LTN1: variants seen among roughly 807,000 people sequenced by gnomAD.
LTN1 encodes listerin E3 ubiquitin protein ligase 1.
LTN1 carries 88 observed loss-of-function variants against 201.2 expected under a neutral mutation model. That is an observed-to-expected ratio of 0.44 (90% CI 0.37 to 0.52). The LOEUF (loss-of-function observed/expected upper bound fraction) is 0.52, where lower values mean the gene tolerates loss of function less well. Ranked by LOEUF, LTN1 falls within the 20% of genes least tolerant of loss-of-function variation. LTN1 has a pLI of 0.00. For missense variants in LTN1, 1,752 were observed against 2,038.7 expected, an observed-to-expected ratio of 0.86 and a Z score of 2.71; for synonymous variants, 645 against 713.5, an observed-to-expected ratio of 0.90 and a Z score of 1.53.
At chr21:28,991,883 T>TA (rs1242251544) in intron 1 of LTN1, among the ~76,000 whole-genome samples, 6 of 152,158 alleles carry the variant, frequency 3.9e-5, no homozygotes, top group Non-Finnish European at 5.9e-5. Flanking sequence ...TCTAACACCA[T>TA]AAAAAAATAC....
chr21:28,987,537 T>A (rs898903999), intron 1 of LTN1, among the ~76,000 whole-genome samples: 1 of 152,214 alleles, frequency 6.6e-6, no homozygotes. Flanking sequence ...CTAACCTCTT[T>A]GGGCTAAAAT....
chr21:28,981,184 C>T lies in LTN1; in HGVS notation c.745G>A (p.Glu249Lys), dbSNP rs748035172. 5.0e-6 allele frequency: 8 copies of T among 1,598,284 alleles called. No individual in the cohort carries two copies. Among genetic ancestry groups the T allele is most frequent in the African/African-American group, 1.3e-5 (1 of 74,206 alleles). ...TGTGATAAAAGAGACTTAAATTTCT[C>T]CTCCAGAGAATCAAGCTCATTATCA... ...LPDNELDSLE[E>K]KFKSLLSQNK... The change falls in exon 6 of 30, where the codon GAG (glutamate) becomes AAG (lysine). Residue 249 changes from glutamate to lysine, a missense_variant. Transcript: ENST00000361371.
chr21:28,962,617 C>T (rs776400079), intron 11 of LTN1, among the ~76,000 whole-genome samples: 2 of 152,160 alleles, frequency 1.3e-5, no homozygotes, highest in Non-Finnish European at 2.9e-5. Context: ...TTAGACACAA[C>T]AATGCTGAAA....
At position 28,947,546 on chromosome 21, in the gene LTN1, T is replaced by G; in HGVS notation, c.3405A>C (p.Ser1135=). ...HTIQSLCPFL[S]KEEKKEFSAQ... is the part of the protein sequence containing the mutation. ...CACTAAATTCTTTCTTTTCTTCTTT[T>G]GACAAAAATGGACATAGACTTTGAA... The change falls in exon 19 of 30, where the codon TCA becomes TCC. Residue 1135 remains serine, a synonymous_variant. Coordinates refer to ENST00000361371, the MANE Select transcript of LTN1 (RefSeq NM_015565.3). The G allele has an allele frequency of 6.3e-7, 1 of 1,596,682 alleles. No individual in the cohort carries two copies. The highest frequency in any genetic ancestry group is 8.5e-7 in the Non-Finnish European group (1 of 1,174,266).
chr21:28,947,374 C>G, intron 19 of LTN1, 90 bp downstream of exon 19: 1 of 1,035,662 alleles, frequency 9.7e-7, no homozygotes, highest in Non-Finnish European at 1.3e-6. Flanking sequence ...TTCAATTTAC[C>G]TCTGCTAGAT....
In LTN1 at chr21:28,981,385, A is replaced by G. The variant is rs546474841; in HGVS notation, c.630-86T>C. 12 of 711,040 alleles carry G rather than the reference A, an allele frequency of 1.7e-5. No individual in the cohort carries two copies. In the South Asian group the frequency reaches 2.5e-4, roughly 15 times the overall value. The allele number at this position is 711,040 out of a possible 1,614,324, so 44.0% of individuals were successfully genotyped here. Reference sequence around the variant, plus strand: ...GTGGTTCTATTTAAAATGTTTTATCATTAAATATCTACCAAAGTTGCTTTA... The same window carrying G: ...GTGGTTCTATTTAAAATGTTTTATCGTTAAATATCTACCAAAGTTGCTTTA... On this transcript the variant is annotated intron_variant, in intron 5 of 29. Coordinates refer to ENST00000361371, the MANE Select transcript of LTN1 (RefSeq NM_015565.3).
At chr21:28,963,828 T>C (rs750473223) in intron 11 of LTN1, among the ~76,000 whole-genome samples, 1 of 152,122 alleles carries the variant, frequency 6.6e-6, no homozygotes, top group Non-Finnish European at 1.5e-5. Context: ...AATAGCAACA[T>C]TAATAGGAGT....
intron 12 of LTN1, 54 bp downstream of exon 12, chr21:28,960,463 C>A: frequency 7.1e-7 from 1 of 1,411,506 alleles, no homozygotes; most frequent in Non-Finnish European, 9.8e-7. Flanking sequence ...CAATCCCCCA[C>A]AAAGGAGAAA....
chr21:28,965,789 G>A (rs989351455), intron 11 of LTN1, 76 bp downstream of exon 11: 114 of 809,446 alleles, frequency 1.4e-4, no homozygotes, highest in Non-Finnish European at 2.1e-4. Flanking sequence ...TATTTATTGT[G>A]TAAATAGGAC....
Position 28,946,270 on chromosome 21 carries a change from CA to C in LTN1, c.3504del (p.Ala1169ProfsTer12). ...GTTTGCAGACAAGAATTGAAAATGGCAAGATGTCCAAAACCTCCTAAAGTAA... is the reference window on the plus strand; with the variant it reads ...GTTTGCAGACAAGAATTGAAAATGGCAGATGTCCAAAACCTCCTAAAGTAA... Reference protein sequence around the residue: ...LCSTNGGFGHLAIFNSCLQTK... With the variant: ...LCSTNGGFGHXAIFNSCLQTK... On this transcript the variant is annotated frameshift_variant, in exon 20 of 30. Transcript: ENST00000361371. LOFTEE classifies it high-confidence loss of function. 1 of 1,573,284 alleles carries C rather than the reference CA, an allele frequency of 6.4e-7. No individual in the cohort carries two copies. Among genetic ancestry groups the C allele is most frequent in the Non-Finnish European group, 8.6e-7 (1 of 1,165,530 alleles).
chr21:28,984,425 A>C (rs1287390510), intron 4 of LTN1, among the ~76,000 whole-genome samples: 3 of 152,104 alleles, frequency 2.0e-5, no homozygotes, highest in Admixed American at 2.0e-4. Context: ...GATTACATAA[A>C]ACATCTACTT....
chr21:28,985,823 G>A (rs932962781), intron 3 of LTN1, among the ~76,000 whole-genome samples: 3 of 151,936 alleles, frequency 2.0e-5, no homozygotes, highest in Non-Finnish European at 2.9e-5. Context: ...ACCACACCCG[G>A]CTAATTTTTG....
rs375510678 is a variant in LTN1 at position 28,944,446 on chromosome 21, A to G, written c.3919T>C (p.Trp1307Arg). 1.1e-5 allele frequency: 18 copies of G among 1,613,980 alleles called. No homozygotes were observed. In the African/African-American group the frequency reaches 1.9e-4, roughly 17 times the overall value. Residue 1307 changes from tryptophan (W) to arginine (R), a missense_variant, in exon 22 of 30, where the codon TGG becomes CGG. Trp to Arg is a moderately radical substitution (Grantham distance 101, BLOSUM62 -3). Coordinates refer to ENST00000361371, the MANE Select transcript of LTN1 (RefSeq NM_015565.3). ...GNLPVNLISE[W>R]KEFFSQGIHS... Reference sequence around the variant, plus strand: ...ATGCCTTGGGAAAAAAATTCTTTCCATTCACTGATTAGATTTACAGGAAGA... The same window carrying G: ...ATGCCTTGGGAAAAAAATTCTTTCCGTTCACTGATTAGATTTACAGGAAGA...
chr21:28,977,862 A>G (rs1009987771), intron 6 of LTN1, among the ~76,000 whole-genome samples: 3 of 151,898 alleles, frequency 2.0e-5, no homozygotes, highest in Admixed American at 6.6e-5. Flanking sequence ...TGGGAGGTAG[A>G]GGTTGCAGTG....
At chr21:28,945,762 T>C (rs560223846) in intron 21 of LTN1, 45 bp downstream of exon 21, 7 of 1,546,890 alleles carry the variant, frequency 4.5e-6, no homozygotes, top group African/African-American at 4.1e-5. Flanking sequence ...TGCAAAAGTA[T>C]GTACAAAAAC....
chr21:28,967,250 T>A, intron 9 of LTN1, 71 bp from the exon 10 acceptor site: 1 of 1,105,020 alleles, frequency 9.0e-7, no homozygotes, highest in Non-Finnish European at 1.3e-6. Flanking sequence ...CACACAACTC[T>A]AAAATCCTTG....
intron 1 of LTN1, among the ~76,000 whole-genome samples, chr21:28,990,655 T>G (rs913912931): frequency 2.0e-5 from 3 of 152,046 alleles, no homozygotes; most frequent in Non-Finnish European, 4.4e-5. Flanking sequence ...GACAAACAGG[T>G]GCGAAGTGCC....
chr21:28,956,375 C>T (rs1230955368), intron 16 of LTN1, among the ~76,000 whole-genome samples: 1 of 151,910 alleles, frequency 6.6e-6, no homozygotes, highest in Non-Finnish European at 1.5e-5. Flanking sequence ...TCACATGTAC[C>T]CCATAAATAT....
At position 28,959,671 on chromosome 21, in the gene LTN1, C is replaced by T; in HGVS notation, c.2380G>A (p.Glu794Lys). Residue 794 changes from glutamate to lysine, a missense_variant, in exon 13 of 30, where the codon GAA (glutamate) becomes AAA (lysine). Around this residue, in one of 3 missense-constraint regions of LTN1, gnomAD observed 1,211 missense variants for 1,312.8 expected, o/e 0.92. Transcript: ENST00000361371. ...NDYLIGDVYVERIIVRLHETL... is the reference protein window; with the variant it reads ...NDYLIGDVYVKRIIVRLHETL... ...TCATGAAGTCTAACAATGATTCTTT[C>T]AACATATACGTCTCCAATCAAGTAA... 2 of 1,612,078 alleles carry T rather than the reference C, an allele frequency of 1.2e-6. No individual in the cohort carries two copies. Among genetic ancestry groups the T allele is most frequent in the African/African-American group, 1.3e-5 (1 of 74,894 alleles).
Sources: gnomAD v4.1 joint callset for allele counts (sites outside exome capture counted in the v4.1 genomes callset) on GRCh38, gnomAD v4.1.1 for gene constraint, gnomAD v4.1.1 regional missense constraint, MANE v1.5 for transcripts, NCBI Gene and HGNC (gene_info 2026-07-23, HGNC 2026-07-21) for gene names.